Variants in ZNF609 observed in about 807,000 individuals in gnomAD.
The protein encoded by ZNF609 is zinc finger protein 609.
In ZNF609, 11 loss-of-function variants were observed where a neutral mutation model predicts 109.5. The ratio of observed to expected loss-of-function variants is 0.10; its 90% CI spans 0.06 to 0.17. The LOEUF (loss-of-function observed/expected upper bound fraction) is 0.17, where lower values mean the gene tolerates loss of function less well. Among genes scored for constraint, ZNF609 ranks in the 10% least tolerant of loss-of-function variants. ZNF609 has a pLI of 1.00. For synonymous variants in ZNF609, 646 were observed against 662.0 expected (o/e 0.98, Z 0.37); for missense variants, 1,559 against 1,772.4 (o/e 0.88, Z 2.16).
chr15:64,569,038 G>A (rs917232417), intron 2 of ZNF609, among the ~76,000 whole-genome samples: 2 of 152,156 alleles, frequency 1.3e-5, no homozygotes, highest in Non-Finnish European at 2.9e-5. Flanking sequence ...CTTGCTCTAT[G>A]TATATATGTG....
chr15:64,554,001 T>C (rs1322834233), intron 2 of ZNF609, among the ~76,000 whole-genome samples: 1 of 152,214 alleles, frequency 6.6e-6, no homozygotes. Flanking sequence ...ATTTGCTAGC[T>C]AGACAATCAT....
At chr15:64,628,648 A>G (rs1199530410) in intron 3 of ZNF609, among the ~76,000 whole-genome samples, 1 of 152,104 alleles carries the variant, frequency 6.6e-6, no homozygotes, top group Non-Finnish European at 1.5e-5. Context: ...TTTTTGAGAC[A>G]GAGTTTCTCT....
At chr15:64,672,705 C>T (rs1489364481) in intron 4 of ZNF609, among the ~76,000 whole-genome samples, 4 of 151,064 alleles carry the variant, frequency 2.6e-5, no homozygotes, top group Admixed American at 1.3e-4. Flanking sequence ...GTGGCTCACG[C>T]CTGTAATCTC....
intron 2 of ZNF609, among the ~76,000 whole-genome samples, chr15:64,517,446 G>A (rs1893830075): frequency 6.6e-6 from 1 of 152,142 alleles, no homozygotes; most frequent in Non-Finnish European, 1.5e-5. Flanking sequence ...CAAAATTAAT[G>A]TTTTTCTGGA....
Position 64,676,093 on chromosome 15 carries a change from T to G in ZNF609, c.3239T>G (p.Ile1080Ser), listed in dbSNP as rs375037097. The change falls in exon 5 of 10, where the codon ATT (isoleucine) becomes AGT (serine). Residue 1080 changes from isoleucine to serine, a missense_variant. Transcript: ENST00000326648. ...PGADPAKSVIIPKLDDSSKLP... is the reference protein window; with the variant it reads ...PGADPAKSVISPKLDDSSKLP... ...GCTGACCCAGCCAAATCAGTCATCA[T>G]TCCCAAGTTAGATGACTCTTCAAAA... 228 of 1,614,222 alleles carry G rather than the reference T, an allele frequency of 1.4e-4. 4 individuals are homozygous for G. The East Asian group carries it at 4.3e-3, about 30-fold the overall frequency.
intron 3 of ZNF609, among the ~76,000 whole-genome samples, chr15:64,656,730 C>A (rs1250264168): frequency 1.3e-5 from 2 of 149,750 alleles, no homozygotes; most frequent in Non-Finnish European, 3.0e-5. Context: ...CTTTTCTTTT[C>A]TTTTTTCCTC....
At chr15:64,632,023 G>A (rs1447118800) in intron 3 of ZNF609, 4 of 152,556 alleles carry the variant, frequency 2.6e-5, no homozygotes, top group Non-Finnish European at 5.8e-5. Flanking sequence ...TAAGAATGGC[G>A]TGTGTGTATA....
chr15:64,563,543 G>A (rs527633516), intron 2 of ZNF609, among the ~76,000 whole-genome samples: 53 of 152,214 alleles, frequency 3.5e-4, no homozygotes, highest in African/African-American at 1.2e-3. Context: ...TGGGGAGGCC[G>A]AGGTGGGTGG....
At chr15:64,462,666 A>G (rs1892960506) in intron 1 of ZNF609, among the ~76,000 whole-genome samples, 1 of 152,214 alleles carries the variant, frequency 6.6e-6, no homozygotes, top group Non-Finnish European at 1.5e-5. Flanking sequence ...TTCCTGGTCA[A>G]TAATAATAGC....
chr15:64,650,264 A>T (rs1317224442), intron 3 of ZNF609, among the ~76,000 whole-genome samples: 4 of 151,728 alleles, frequency 2.6e-5, no homozygotes, highest in African/African-American at 4.8e-5. Flanking sequence ...AGAAAAAAAA[A>T]AAATAAGCCA....
At chr15:64,522,997 G>C (rs950833243) in intron 2 of ZNF609, among the ~76,000 whole-genome samples, 20 of 150,254 alleles carry the variant, frequency 1.3e-4, no homozygotes, top group Admixed American at 3.3e-4. Flanking sequence ...GGAAATTTTG[G>C]TGCAATAGAG....
At chr15:64,564,215 A>G (rs1298992467) in intron 2 of ZNF609, among the ~76,000 whole-genome samples, 2 of 151,896 alleles carry the variant, frequency 1.3e-5, no homozygotes, top group Non-Finnish European at 2.9e-5. Context: ...TATCAGATCA[A>G]AAAAACAGTT....
intron 1 of ZNF609, among the ~76,000 whole-genome samples, chr15:64,462,866 TAGTG>T (rs1293470077): frequency 2.4e-4 from 37 of 152,326 alleles, no homozygotes; most frequent in African/African-American, 8.4e-4. Flanking sequence ...TAGGGATTAT[TAGTG>T]AGAGAAGGAT....
At chr15:64,469,879 A>G (rs112016180) in intron 1 of ZNF609, among the ~76,000 whole-genome samples, 2 of 152,170 alleles carry the variant, frequency 1.3e-5, no homozygotes, top group African/African-American at 4.8e-5. Context: ...TTGTACCTGG[A>G]AGGATTTGCC....
At chr15:64,627,137 C>A (rs1398593218) in intron 3 of ZNF609, among the ~76,000 whole-genome samples, 1 of 151,790 alleles carries the variant, frequency 6.6e-6, no homozygotes, top group East Asian at 1.9e-4. Context: ...TTGCAGTGAG[C>A]CGAGAGTGTG....
chr15:64,466,116 CAAAAA>C (rs749648623), intron 1 of ZNF609, among the ~76,000 whole-genome samples: 19 of 81,894 alleles, frequency 2.3e-4, no homozygotes, highest in African/African-American at 5.5e-4. Flanking sequence ...AACCCTGTCT[CAAAAA>C]AAAAAAAAAA....
intron 2 of ZNF609, among the ~76,000 whole-genome samples, chr15:64,540,858 T>A (rs906461356): frequency 6.7e-5 from 10 of 148,266 alleles, no homozygotes; most frequent in Non-Finnish European, 1.0e-4. Flanking sequence ...TGAAACCCTG[T>A]CTCTACTAAA....
Position 64,602,889 on chromosome 15 carries a change from A to ATTTTTTTTTTTTTTTTTTTTTTT in ZNF609, c.748-19931_748-19909dup, listed in dbSNP as rs10600562. Among the ~76,000 whole-genome samples the ATTTTTTTTTTTTTTTTTTTTTTT allele has an allele frequency of 1.6e-4, 12 of 75,174 alleles. 1 individual carries two copies. The highest frequency in any genetic ancestry group is 2.3e-4 in the Non-Finnish European group (10 of 42,940). The allele number at this position is 75,174 out of a possible 152,430, so 49.3% of individuals were successfully genotyped here. On this transcript the variant is annotated intron_variant, in intron 2 of 9. Transcript: ENST00000326648. ...AGGTGCCTGCCACCACTCTGGGCTAATTTTTTTTTTTTTTTTTTTTTTTTT... is the reference window on the plus strand; with the variant it reads ...AGGTGCCTGCCACCACTCTGGGCTAATTTTTTTTTTTTTTTTTTTTTTTTTTTTTTTTTTTTTTTTTTTTTTTT...
In ZNF609 at chr15:64,588,651, C is replaced by CTT. The variant is rs71133452; in HGVS notation, c.748-34162_748-34161dup. ...TGAACCACCATGCCTGGTCTGTAGTCTTTTTTTTTTTTTTTGAGATGGAGT... is the reference window on the plus strand; with the variant it reads ...TGAACCACCATGCCTGGTCTGTAGTCTTTTTTTTTTTTTTTTTGAGATGGAGT... On this transcript the variant is annotated intron_variant, in intron 2 of 9. Coordinates refer to ENST00000326648, the MANE Select transcript of ZNF609 (RefSeq NM_015042.2). Among the ~76,000 whole-genome samples, 480 of 135,804 alleles carry CTT rather than the reference C, an allele frequency of 3.5e-3. 2 individuals are homozygous for CTT. Among genetic ancestry groups the CTT allele is most frequent in the African/African-American group, 0.011 (406 of 37,164 alleles). The allele number at this position is 135,804 out of a possible 152,430, so 89.1% of individuals were successfully genotyped here. A position where few individuals can be genotyped will look rare whatever the true frequency, so the allele number is the denominator to read the frequency against.
Sources: gnomAD v4.1 joint callset for allele counts (sites outside exome capture counted in the v4.1 genomes callset) on GRCh38, gnomAD v4.1.1 for gene constraint, MANE v1.5 for transcripts, NCBI Gene and HGNC (gene_info 2026-07-23, HGNC 2026-07-21) for gene names.